HOOK3: variants seen among roughly 807,000 people sequenced by gnomAD.
HOOK3 encodes hook microtubule tethering protein 3.
A neutral mutation model predicts 116.3 loss-of-function variants in HOOK3; 24 were observed. That is an observed-to-expected ratio of 0.21 (90% confidence interval 0.15 to 0.29). The LOEUF is 0.29. Ranked by LOEUF, HOOK3 falls within the 10% of genes least tolerant of loss-of-function variation. The probability of loss-of-function intolerance (pLI) is 1.00; values close to 1 mark genes in which losing one functional copy is unlikely to be tolerated. For synonymous variants in HOOK3, 275 were observed against 283.0 expected, an observed-to-expected ratio of 0.97 and a Z score of 0.28; for missense variants, 632 against 830.2, an observed-to-expected ratio of 0.76 and a Z score of 2.93.
chr8:42,904,306 CTTTTTTTTTT>C (rs753501072), intron 1 of HOOK3, among the ~76,000 whole-genome samples: 22 of 122,440 alleles, frequency 1.8e-4, no homozygotes, highest in South Asian at 2.8e-4. Context: ...CCGGTATGAT[CTTTTTTTTTT>C]TTTTTTTTTT....
Position 42,959,240 on chromosome 8 carries a change from A to T in HOOK3, c.541A>T (p.Thr181Ser). 6 of 1,611,494 alleles carry T rather than the reference A, an allele frequency of 3.7e-6. No homozygotes were observed. Among genetic ancestry groups the T allele is most frequent in the Non-Finnish European group, 5.1e-6 (6 of 1,178,238 alleles). ...CTTTGTTTCTAACCAGCTGAAGAAA[A>T]CTACAGAGGAACTAAATGAAGCTTT... Reference protein sequence around the residue: ...YVDLDRQLKKTTEELNEALSA... With the variant: ...YVDLDRQLKKSTEELNEALSA... Residue 181 changes from threonine (T) to serine (S), a missense_variant, in exon 8 of 22, where the codon ACT becomes TCT. By Grantham distance (58) the Thr-to-Ser change is moderately conservative. Around this residue, in one of 3 missense-constraint regions of HOOK3, gnomAD observed 483 missense variants for 648.1 expected, o/e 0.75. Coordinates refer to ENST00000307602, the MANE Select transcript of HOOK3 (RefSeq NM_032410.4).
In HOOK3 at chr8:42,933,732, A is replaced by G. The variant is rs149305462; in HGVS notation, c.267+3560A>G. Among the ~76,000 whole-genome samples the G allele has an allele frequency of 3.1e-3, 472 of 152,274 alleles. 9 individuals are homozygous for G. Among genetic ancestry groups the G allele is most frequent in the Admixed American group, 0.029 (436 of 15,284 alleles). On this transcript the variant is annotated intron_variant, in intron 4 of 21. Transcript: ENST00000307602. ...TGAAAATAATCTTAGTTCTCTTTAC[A>G]CTGTGGTTTAGTTGAATATGGAATT... is the stretch of plus-strand genomic sequence containing the variant.
chr8:42,910,606 T>C (rs1807407228), intron 2 of HOOK3, among the ~76,000 whole-genome samples: 1 of 152,248 alleles, frequency 6.6e-6, no homozygotes, highest in Non-Finnish European at 1.5e-5. Context: ...CTCTTGTGTT[T>C]GTCTTAAAGT....
At chr8:42,918,682 G>C (rs1245723957) in intron 2 of HOOK3, among the ~76,000 whole-genome samples, 2 of 152,128 alleles carry the variant, frequency 1.3e-5, no homozygotes, top group African/African-American at 2.4e-5. Context: ...ATCTTGCACC[G>C]CCCTTGATCC....
chr8:42,912,968 T>G (rs143429217), intron 2 of HOOK3, among the ~76,000 whole-genome samples: 3 of 152,198 alleles, frequency 2.0e-5, no homozygotes, highest in Admixed American at 2.0e-4. Flanking sequence ...TAGTTTTGCC[T>G]TTTCTGGAAT....
At chr8:42,930,835 G>C (rs1200452058) in intron 4 of HOOK3, among the ~76,000 whole-genome samples, 1 of 152,114 alleles carries the variant, frequency 6.6e-6, no homozygotes, top group African/African-American at 2.4e-5. Flanking sequence ...TCATCTGTAA[G>C]ACCCATTAGT....
At chr8:42,930,019 T>C in intron 3 of HOOK3, 103 bp from the exon 4 acceptor site, 1 of 968,702 alleles carries the variant, frequency 1.0e-6, no homozygotes, top group Non-Finnish European at 1.5e-6. Context: ...ATATTTACTT[T>C]ATGATTAACT....
At chr8:42,908,075 C>A (rs1298604993) in intron 2 of HOOK3, among the ~76,000 whole-genome samples, 1 of 152,056 alleles carries the variant, frequency 6.6e-6, no homozygotes, top group African/African-American at 2.4e-5. Context: ...TTTATAATAG[C>A]TACCAAGTAA....
rs1299989668 is a variant in HOOK3 at position 43,027,217 on chromosome 8, C to G, written c.*8719C>G. 2 of 260,600 alleles carry G rather than the reference C, an allele frequency of 7.7e-6. No homozygotes were observed. Among genetic ancestry groups the G allele is most frequent in the Admixed American group, 5.2e-5 (1 of 19,100 alleles). 16.1% of individuals were successfully genotyped at this position (260,600 alleles called of 1,614,324 possible). A position where few individuals can be genotyped will look rare whatever the true frequency, so the allele number is the denominator to read the frequency against. On this transcript the variant is annotated 3_prime_UTR_variant, in exon 22 of 22. Coordinates refer to ENST00000307602, the MANE Select transcript of HOOK3 (RefSeq NM_032410.4). ...GTGAACTTGGCCATTTTCTTACATT[C>G]ATATATAGCAAAGTTTTCAACTTGT...
chr8:42,996,241 C>A (rs1809263702), intron 15 of HOOK3, among the ~76,000 whole-genome samples: 1 of 151,958 alleles, frequency 6.6e-6, no homozygotes, highest in African/African-American at 2.4e-5. Context: ...CAAAAATTAG[C>A]CAGGCATGGT....
At chr8:42,989,179 T>C (rs1314354507) in intron 15 of HOOK3, among the ~76,000 whole-genome samples, 1 of 152,250 alleles carries the variant, frequency 6.6e-6, no homozygotes, top group Non-Finnish European at 1.5e-5. Context: ...CCAGGAATTC[T>C]GTCAAAGTAG....
At chr8:42,957,577 TTGGAAAATGACATGTCAAATTCC>T (rs1275590914) in intron 7 of HOOK3, among the ~76,000 whole-genome samples, 1 of 152,172 alleles carries the variant, frequency 6.6e-6, no homozygotes, top group East Asian at 1.9e-4. Flanking sequence ...TGTCATTTTC[TTGGAAAATGACATGTCAAATTCC>T]TGGAAAATGA....
intron 16 of HOOK3, among the ~76,000 whole-genome samples, chr8:43,001,445 G>C (rs1809379107): frequency 6.6e-6 from 1 of 151,792 alleles, no homozygotes; most frequent in African/African-American, 2.4e-5. Context: ...TTTATTAATA[G>C]TATATACTGT....
At chr8:42,977,287 A>C (rs905078986) in intron 13 of HOOK3, among the ~76,000 whole-genome samples, 8 of 152,166 alleles carry the variant, frequency 5.3e-5, no homozygotes, top group Non-Finnish European at 1.0e-4. Context: ...CTCAGCTTCT[A>C]AAATGGGAAC....
intron 1 of HOOK3, 121 bp downstream of exon 1, chr8:42,897,309 G>T: frequency 1.6e-6 from 1 of 608,434 alleles, no homozygotes; most frequent in Non-Finnish European, 2.4e-6. Flanking sequence ...CGGGGCCTGG[G>T]GCGGGCGGGG....
chr8:42,897,219 C>T (rs1159010313), intron 1 of HOOK3, 31 bp downstream of exon 1: 1 of 1,208,750 alleles, frequency 8.3e-7, no homozygotes, highest in Non-Finnish European at 1.0e-6. Flanking sequence ...GGCGGGAAGA[C>T]CCCCTCCCCC....
At chr8:42,992,264 G>T (rs1014302033) in intron 15 of HOOK3, among the ~76,000 whole-genome samples, 9 of 149,900 alleles carry the variant, frequency 6.0e-5, no homozygotes, top group Admixed American at 3.4e-4. Flanking sequence ...GCTAGGCGTG[G>T]TGGTGAGCGC....
chr8:42,897,295 C>A (rs1807020096), intron 1 of HOOK3, 107 bp downstream of exon 1: 1 of 711,762 alleles, frequency 1.4e-6, no homozygotes, highest in Non-Finnish European at 1.9e-6. Context: ...GGTGCCGTCA[C>A]ATCCGGGGCC....
chr8:42,953,108 A>G (rs986974288), intron 6 of HOOK3, among the ~76,000 whole-genome samples: 7 of 152,090 alleles, frequency 4.6e-5, no homozygotes, highest in African/African-American at 1.7e-4. Flanking sequence ...AGTCTGGGAA[A>G]TGGGGTCCTT....
Sources: allele counts gnomAD v4.1 joint callset (sites outside exome capture counted in the v4.1 genomes callset), GRCh38; gene constraint gnomAD v4.1.1; regional missense constraint gnomAD v4.1.1; transcripts MANE v1.5; gene names NCBI Gene and HGNC (gene_info 2026-07-23, HGNC 2026-07-21).